ZMYM4: variants seen among roughly 807,000 people sequenced by gnomAD.
ZMYM4 encodes zinc finger MYM-type containing 4.
ZMYM4 carries 31 observed loss-of-function variants against 183.2 expected under a neutral mutation model. The observed-to-expected ratio is 0.17, with a 90% CI of 0.13 to 0.23. ZMYM4 has a LOEUF of 0.23. Ranked by LOEUF, ZMYM4 falls within the 10% of genes least tolerant of loss-of-function variation. The probability of loss-of-function intolerance (pLI) is 1.00; values close to 1 mark genes in which losing one functional copy is unlikely to be tolerated. For synonymous variants in ZMYM4, 592 were observed against 631.2 expected (o/e 0.94, Z 0.93); for missense variants, 1,273 against 1,840.3 (o/e 0.69, Z 5.64).
At chr1:35,309,145 A>G in intron 1 of ZMYM4, 10 of 673,422 alleles carry the variant, frequency 1.5e-5, no homozygotes, top group Non-Finnish European at 1.8e-5. Context: ...ATGAAACAAG[A>G]TGACTTAACT....
chr1:35,392,464 G>C, intron 16 of ZMYM4, 112 bp downstream of exon 16: 1 of 1,403,746 alleles, frequency 7.1e-7, no homozygotes, highest in East Asian at 2.3e-5. Flanking sequence ...TCAATATTAG[G>C]AATAGTGGCT....
intron 2 of ZMYM4, among the ~76,000 whole-genome samples, chr1:35,358,142 T>C (rs1336102741): frequency 6.6e-6 from 1 of 152,144 alleles, no homozygotes; most frequent in Non-Finnish European, 1.5e-5. Context: ...AAAGGGTTAA[T>C]GATAGAGATG....
At chr1:35,320,730 A>C (rs545697020) in intron 1 of ZMYM4, among the ~76,000 whole-genome samples, 1 of 152,332 alleles carries the variant, frequency 6.6e-6, no homozygotes, top group South Asian at 2.1e-4. Context: ...TATAGGACAC[A>C]CAGTTGGTGT....
intron 2 of ZMYM4, among the ~76,000 whole-genome samples, chr1:35,332,963 C>A (rs940442244): frequency 5.3e-5 from 8 of 152,112 alleles, no homozygotes; most frequent in African/African-American, 1.9e-4. Context: ...ATCCCTTCCA[C>A]CAGGCAGTTC....
At position 35,419,803 on chromosome 1, in the gene ZMYM4, A is replaced by C. The variant is rs187408630; in HGVS notation, c.*126A>C. The C allele has an allele frequency of 1.5e-4, 136 of 932,930 alleles. No individual in the cohort carries two copies. The highest frequency in any genetic ancestry group is 2.0e-4 in the Non-Finnish European group (122 of 612,112). 57.8% of individuals were successfully genotyped at this position (932,930 alleles called of 1,614,324 possible). A position where few individuals can be genotyped will look rare whatever the true frequency, so the allele number is the denominator to read the frequency against. On this transcript the variant is annotated 3_prime_UTR_variant, in exon 30 of 30. Transcript: ENST00000314607. ...TTGACCATAAGATCATGGAAAACAG[A>C]TGACTTGTGAACCCCACAGTGTGGA...
Position 35,343,776 on chromosome 1 carries a change from A to G in ZMYM4, c.86-15149A>G, listed in dbSNP as rs576460066. 7.1e-3 allele frequency among the ~76,000 whole-genome samples: 1,082 copies of G among 151,826 alleles called. 15 individuals are homozygous for G. The highest frequency in any genetic ancestry group is 0.025 in the African/African-American group (1,023 of 41,438). On this transcript the variant is annotated intron_variant, in intron 2 of 29. Transcript: ENST00000314607. Reference sequence around the variant, plus strand: ...GCTACTCGGGAGGCTGAGGCAGACAATTGCTTGCACCCGGGAGGCGGAGGT... The same window carrying G: ...GCTACTCGGGAGGCTGAGGCAGACAGTTGCTTGCACCCGGGAGGCGGAGGT...
intron 15 of ZMYM4, among the ~76,000 whole-genome samples, chr1:35,391,808 TGAGGCAGGCGGATCAC>T (rs1162745559): frequency 1.3e-5 from 2 of 151,244 alleles, no homozygotes; most frequent in African/African-American, 4.9e-5. Context: ...TTTGGGAGGC[TGAGGCAGGCGGATCAC>T]GAGGTCAGGA....
intron 1 of ZMYM4, among the ~76,000 whole-genome samples, chr1:35,294,134 C>CAA (rs566640178): frequency 0.012 from 1,514 of 126,968 alleles, 24 homozygotes; most frequent in African/African-American, 0.037. Context: ...GACACTGTCT[C>CAA]AAAAAAAAAA....
At chr1:35,306,947 T>A (rs1641559759) in intron 1 of ZMYM4, among the ~76,000 whole-genome samples, 1 of 152,242 alleles carries the variant, frequency 6.6e-6, no homozygotes, top group African/African-American at 2.4e-5. Context: ...CCTGATAAAC[T>A]GAAAAGTACA....
At position 35,379,258 on chromosome 1, in the gene ZMYM4, G is replaced by A. The variant is rs540839122; in HGVS notation, c.1182-2001G>A. ...TCAGACTACAGTCACGCGCCACCAC[G>A]CCCAGCTAATTTTTCTATTTTTAAT... is the stretch of plus-strand genomic sequence containing the variant. On this transcript the variant is annotated intron_variant, in intron 7 of 29. Coordinates refer to ENST00000314607, the MANE Select transcript of ZMYM4 (RefSeq NM_005095.3). Among the ~76,000 whole-genome samples the A allele has an allele frequency of 8.6e-5, 13 of 151,936 alleles. No homozygotes were observed. In the South Asian group the frequency reaches 2.1e-3, roughly 24 times the overall value.
At chr1:35,326,595 A>G (rs1201988335) in intron 2 of ZMYM4, among the ~76,000 whole-genome samples, 2 of 152,164 alleles carry the variant, frequency 1.3e-5, no homozygotes, top group Non-Finnish European at 2.9e-5. Flanking sequence ...ATTCCAATTC[A>G]GGGTCATGGG....
rs1053870552 is a variant in ZMYM4 at position 35,328,995 on chromosome 1, G to A, written c.85+3590G>A. On this transcript the variant is annotated intron_variant, in intron 2 of 29. Coordinates refer to ENST00000314607, the MANE Select transcript of ZMYM4 (RefSeq NM_005095.3). ...CATCTACTCATTGCCCAAGACCACC[G>A]GGATATGGGACCTCAAATATTTGTT... 6.6e-5 allele frequency among the ~76,000 whole-genome samples: 10 copies of A among 151,984 alleles called. No homozygotes were observed. In the East Asian group the frequency reaches 9.6e-4, roughly 15 times the overall value.
At chr1:35,378,798 G>A (rs574259079) in intron 7 of ZMYM4, among the ~76,000 whole-genome samples, 5 of 152,186 alleles carry the variant, frequency 3.3e-5, no homozygotes, top group Middle Eastern at 6.8e-3. Context: ...TAGTGTAGCC[G>A]CCATCATAAA....
intron 2 of ZMYM4, among the ~76,000 whole-genome samples, chr1:35,355,562 C>A (rs923610733): frequency 2.0e-5 from 3 of 151,888 alleles, no homozygotes; most frequent in East Asian, 3.9e-4. Context: ...AGGAAATTAC[C>A]CTTTGTGATA....
chr1:35,309,449 A>T (rs1169592007), intron 1 of ZMYM4, among the ~76,000 whole-genome samples: 1 of 152,244 alleles, frequency 6.6e-6, no homozygotes, highest in Non-Finnish European at 1.5e-5. Flanking sequence ...GTAATTGAGC[A>T]ATAAAGAATT....
intron 29 of ZMYM4, 94 bp downstream of exon 29, chr1:35,418,666 G>A (rs548214361): frequency 4.1e-4 from 625 of 1,517,846 alleles, no homozygotes; most frequent in Non-Finnish European, 5.0e-4. Flanking sequence ...TAGCTTGCCC[G>A]TGGCTTTAGA....
intron 5 of ZMYM4, 131 bp from the exon 6 acceptor site, chr1:35,369,898 T>C: frequency 1.8e-6 from 1 of 552,506 alleles, no homozygotes; most frequent in Non-Finnish European, 3.1e-6. Context: ...TTTTGTACTT[T>C]ATTATTTCTT....
rs1465353087 is a variant in ZMYM4, at chr1:35,369,218, TAAATC to T, written c.841-810_841-806del. ...ATAAACAATATATTAAAATAAAAGT[TAAATC>T]TATTATGTAATGATTTTAGAATGCA... On this transcript the variant is annotated intron_variant, in intron 5 of 29. Transcript: ENST00000314607. Among the ~76,000 whole-genome samples the T allele has an allele frequency of 2.6e-5, 4 of 152,328 alleles. No individual in the cohort carries two copies. The East Asian group carries it at 7.7e-4, about 29-fold the overall frequency.
intron 1 of ZMYM4, among the ~76,000 whole-genome samples, chr1:35,304,532 A>G (rs769306457): frequency 4.7e-5 from 7 of 148,650 alleles, no homozygotes; most frequent in Non-Finnish European, 3.0e-5. Context: ...ATCTTAGCTT[A>G]CTGCAACCTC....
Sources: allele counts gnomAD v4.1 joint callset (sites outside exome capture counted in the v4.1 genomes callset), GRCh38; gene constraint gnomAD v4.1.1; transcripts MANE v1.5; gene names NCBI Gene and HGNC (gene_info 2026-07-23, HGNC 2026-07-21).